The following WASF2 variants were observed in gnomAD, a reference collection of about 807,000 sequenced individuals.
WASF2 encodes WASP family member 2.
A neutral mutation model predicts 45.0 loss-of-function variants in WASF2; 14 were observed. The observed-to-expected ratio is 0.31, with a 90% confidence interval of 0.21 to 0.49. The LOEUF (loss-of-function observed/expected upper bound fraction) is 0.49, where lower values mean the gene tolerates loss of function less well. WASF2 is among the 20% of genes least tolerant of loss of function. The probability of loss-of-function intolerance (pLI) is 0.99; values close to 1 mark genes in which losing one functional copy is unlikely to be tolerated. For missense variants in WASF2, 439 were observed against 636.1 expected, an observed-to-expected ratio of 0.69 and a Z score of 3.33; for synonymous variants, 200 against 236.3, an observed-to-expected ratio of 0.85 and a Z score of 1.41.
At chr1:27,468,844 G>A (rs1448040960) in intron 1 of WASF2, among the ~76,000 whole-genome samples, 4 of 150,394 alleles carry the variant, frequency 2.7e-5, no homozygotes, top group African/African-American at 7.4e-5. Flanking sequence ...GCTGGGTGCC[G>A]TGGTGGAGGC....
At chr1:27,469,712 C>A (rs771524806) in intron 1 of WASF2, among the ~76,000 whole-genome samples, 2 of 152,112 alleles carry the variant, frequency 1.3e-5, no homozygotes, top group East Asian at 1.9e-4. Context: ...GAGGCCAAGG[C>A]TGGCAGATCA....
chr1:27,411,967 T>C (rs1413543738), intron 7 of WASF2, among the ~76,000 whole-genome samples: 1 of 152,216 alleles, frequency 6.6e-6, no homozygotes, highest in Non-Finnish European at 1.5e-5. Flanking sequence ...TAGTTAAGAA[T>C]ATAGGTTCTG....
In WASF2 at chr1:27,470,948, A is replaced by T. The variant is rs146557984; in HGVS notation, c.-44+19038T>A. Among the ~76,000 whole-genome samples the T allele has an allele frequency of 4.7e-4, 72 of 152,328 alleles. No homozygotes were observed. The East Asian group carries it at 7.3e-3, about 15-fold the overall frequency. ...CTCATGAAAAGCTGGAGGTGCAAGT[A>T]GGATATCAGTGAAGCGGTCCAATAG... On this transcript the variant is annotated intron_variant, in intron 1 of 8. Coordinates refer to ENST00000618852, the MANE Select transcript of WASF2 (RefSeq NM_006990.5).
intron 1 of WASF2, among the ~76,000 whole-genome samples, chr1:27,437,870 T>G (rs980836948): frequency 6.6e-5 from 10 of 152,130 alleles, no homozygotes; most frequent in African/African-American, 2.4e-4. Flanking sequence ...ACTAAGCTGT[T>G]CTGAAAAAAC....
chr1:27,476,483 G>C (rs752413192), intron 1 of WASF2, among the ~76,000 whole-genome samples: 2 of 152,030 alleles, frequency 1.3e-5, no homozygotes, highest in Non-Finnish European at 2.9e-5. Context: ...CCTCCTACCA[G>C]GCCCCATCTC....
chr1:27,479,278 T>TC (rs749837342), intron 1 of WASF2, among the ~76,000 whole-genome samples: 56 of 143,448 alleles, frequency 3.9e-4, no homozygotes, highest in Admixed American at 3.2e-3. Context: ...AGAGTGAGAC[T>TC]CCATCTCAAA....
intron 1 of WASF2, among the ~76,000 whole-genome samples, chr1:27,472,872 T>C (rs1042894951): frequency 2.0e-5 from 3 of 146,738 alleles, no homozygotes; most frequent in Non-Finnish European, 4.5e-5. Flanking sequence ...CTTAGGAGGC[T>C]GAGGTGGGAG....
At position 27,419,002 on chromosome 1, in the gene WASF2, C is replaced by A. The variant is rs748393155; in HGVS notation, c.217G>T (p.Asp73Tyr). ...TGAGTGACTTTAACCTGTAGTCGGT[C>A]GACCCTCTCAGCAAGGGAGCTTACC... is the stretch of plus-strand genomic sequence containing the variant. ...SRVSSLAERV[D>Y]RLQVKVTQLD... is the part of the protein sequence containing the mutation. Residue 73 changes from aspartate (D) to tyrosine (Y), a missense_variant, in exon 3 of 9, where the codon GAC (aspartate) becomes TAC (tyrosine). By Grantham distance (160) the Asp-to-Tyr change is radical (BLOSUM62 -3). Transcript: ENST00000618852. 1.9e-6 allele frequency: 3 copies of A among 1,613,888 alleles called. No individual in the cohort carries two copies. Among genetic ancestry groups the A allele is most frequent in the Admixed American group, 3.3e-5 (2 of 59,988 alleles).
chr1:27,461,013 G>T (rs930363933), intron 1 of WASF2, among the ~76,000 whole-genome samples: 1 of 152,026 alleles, frequency 6.6e-6, no homozygotes, highest in Non-Finnish European at 1.5e-5. Context: ...GGGGGTGTTT[G>T]TGGGCGCCTG....
chr1:27,410,982 C>T lies in WASF2; in HGVS notation c.825-776G>A, dbSNP rs1457621271. 2.0e-5 allele frequency among the ~76,000 whole-genome samples: 3 copies of T among 152,238 alleles called. No individual in the cohort carries two copies. Among genetic ancestry groups the T allele is most frequent in the African/African-American group, 7.2e-5 (3 of 41,466 alleles). On this transcript the variant is annotated intron_variant, in intron 7 of 8. Transcript: ENST00000618852. This position sits in a 1 kb window ranked among gnomAD's most constrained non-coding sequence, Gnocchi z 4.2. ...TTTCCACCTTTGTATCTACCCTGCACTAACAGCTACTCCTTAGAAAAGCAG... is the reference window on the plus strand; with the variant it reads ...TTTCCACCTTTGTATCTACCCTGCATTAACAGCTACTCCTTAGAAAAGCAG...
intron 6 of WASF2, among the ~76,000 whole-genome samples, chr1:27,413,806 C>T (rs989614443): frequency 2.0e-5 from 3 of 152,154 alleles, no homozygotes; most frequent in African/African-American, 7.2e-5. Context: ...AGGATTGGTC[C>T]GTGGAACAAA....
At chr1:27,454,191 T>A (rs1001451072) in intron 1 of WASF2, among the ~76,000 whole-genome samples, 9 of 19,886 alleles carry the variant, frequency 4.5e-4, no homozygotes, top group South Asian at 2.8e-3. Context: ...ATATATATTT[T>A]TTTTTTTTTT....
Position 27,458,057 on chromosome 1 carries a change from C to T in WASF2, c.-43-29124G>A, listed in dbSNP as rs959707603. ...GGGCGCGGTGGCTCATGCCTGTAAT[C>T]CCAGCACTTTGGGAGGCCGAGACAG... On this transcript the variant is annotated intron_variant, in intron 1 of 8. Coordinates refer to ENST00000618852, the MANE Select transcript of WASF2 (RefSeq NM_006990.5). 2.0e-5 allele frequency among the ~76,000 whole-genome samples: 3 copies of T among 151,996 alleles called. No homozygotes were observed. In the South Asian group the frequency reaches 6.2e-4, roughly 31 times the overall value.
chr1:27,409,633 G>A, intron 8 of WASF2, 59 bp downstream of exon 8: 1 of 1,405,392 alleles, frequency 7.1e-7, no homozygotes, highest in Non-Finnish European at 9.3e-7. Context: ...CCCCCAATCA[G>A]TCATCCCAGC....
intron 1 of WASF2, among the ~76,000 whole-genome samples, chr1:27,472,148 T>A (rs1175835631): frequency 6.6e-6 from 1 of 151,912 alleles, no homozygotes; most frequent in Admixed American, 6.6e-5. Flanking sequence ...CTGCCCAACA[T>A]GGTGAAACCC....
At chr1:27,418,613 C>T (rs1005414) in intron 3 of WASF2, among the ~76,000 whole-genome samples, 191 bp from the exon 4 acceptor site, 2,563 of 152,212 alleles carry the variant, frequency 0.017, 72 homozygotes, top group African/African-American at 0.058. Context: ...CACGACTGAA[C>T]AAAATGAGGC....
At chr1:27,489,243 T>G (rs1215299515) in intron 1 of WASF2, among the ~76,000 whole-genome samples, 1 of 131,648 alleles carries the variant, frequency 7.6e-6, no homozygotes, top group African/African-American at 3.3e-5. Context: ...CAGACTATCC[T>G]GTACGCGCGC....
chr1:27,451,152 T>C (rs2148124961), intron 1 of WASF2, among the ~76,000 whole-genome samples: 1 of 152,284 alleles, frequency 6.6e-6, no homozygotes. Flanking sequence ...GCCACACACT[T>C]AGGATATTAA....
At chr1:27,486,666 G>T (rs1363882198) in intron 1 of WASF2, among the ~76,000 whole-genome samples, 1 of 152,114 alleles carries the variant, frequency 6.6e-6, no homozygotes, top group Non-Finnish European at 1.5e-5. Flanking sequence ...GCTCACGCCT[G>T]TAATCCCAGC....
Sources: allele counts gnomAD v4.1 joint callset (sites outside exome capture counted in the v4.1 genomes callset), GRCh38; gene constraint gnomAD v4.1.1; non-coding constraint Gnocchi (gnomAD v3.1); transcripts MANE v1.5; gene names NCBI Gene and HGNC (gene_info 2026-07-23, HGNC 2026-07-21).